The following NCOA7 variants were observed in gnomAD, a reference collection of about 807,000 sequenced individuals.
The protein encoded by NCOA7 is 140 kDa estrogen receptor-associated protein.
Under a neutral mutation model 104.3 loss-of-function variants are expected in NCOA7, and 45 were observed. That is an observed-to-expected ratio of 0.43 (90% CI 0.34 to 0.55). The LOEUF (loss-of-function observed/expected upper bound fraction) is 0.55, where lower values mean the gene tolerates loss of function less well. Ranked by LOEUF, NCOA7 falls within the 20% of genes least tolerant of loss-of-function variation. The probability of loss-of-function intolerance (pLI) is 0.02; values close to 1 mark genes in which losing one functional copy is unlikely to be tolerated. For synonymous variants in NCOA7, 398 were observed against 402.3 expected (o/e 0.99, Z 0.13); for missense variants, 1,041 against 1,119.7 (o/e 0.93, Z 1.00).
Position 125,818,062 on chromosome 6 carries a change from G to A in NCOA7, c.50+2658G>A, listed in dbSNP as rs577918535. Among the ~76,000 whole-genome samples the A allele has an allele frequency of 1.0e-3, 125 of 122,132 alleles. 1 individual carries two copies. The highest frequency in any genetic ancestry group is 3.8e-3 in the African/African-American group (121 of 31,602). 80.1% of individuals were successfully genotyped at this position (122,132 alleles called of 152,430 possible). On this transcript the variant is annotated intron_variant, in intron 2 of 15. Transcript: ENST00000392477. ...CCTCTTCTTCCTCCTCCCCCTTCCC[G>A]CTTCTCCCCCTTCCTTCTTTCTCCC...
chr6:125,908,290 C>T (rs1786212046), intron 10 of NCOA7, among the ~76,000 whole-genome samples: 1 of 152,198 alleles, frequency 6.6e-6, no homozygotes, highest in South Asian at 2.1e-4. Flanking sequence ...ACCTAAGAAA[C>T]ACACACATAT....
chr6:125,858,652 C>G (rs1293963079), intron 3 of NCOA7, among the ~76,000 whole-genome samples: 1 of 151,796 alleles, frequency 6.6e-6, no homozygotes, highest in African/African-American at 2.4e-5. Context: ...AAAGAAATGC[C>G]ATTAAAGCTT....
At chr6:125,891,360 C>G (rs913915072) in intron 10 of NCOA7, among the ~76,000 whole-genome samples, 1 of 152,108 alleles carries the variant, frequency 6.6e-6, no homozygotes, top group Non-Finnish European at 1.5e-5. Flanking sequence ...GGTTATGTGG[C>G]AGTCTAGGAT....
chr6:125,889,985 A>G lies in NCOA7; in HGVS notation c.1927+4A>G. The G allele has an allele frequency of 6.7e-7, 1 of 1,502,994 alleles. No homozygotes were observed. The highest frequency in any genetic ancestry group is 8.8e-7 in the Non-Finnish European group (1 of 1,130,504). 93.1% of individuals were successfully genotyped at this position (1,502,994 alleles called of 1,614,324 possible). A position where few individuals can be genotyped will look rare whatever the true frequency, so the allele number is the denominator to read the frequency against. ...AGAATTCAGGTACCCATTGAAGGTA[A>G]GCTGTTTTTCTTTAATGCCTTTATA... On this transcript the variant is annotated splice_donor_region_variant and intron_variant, in intron 9 of 15. Transcript: ENST00000392477.
chr6:125,919,215 CAG>C, intron 11 of NCOA7: 1 of 1,571,966 alleles, frequency 6.4e-7, no homozygotes, highest in Non-Finnish European at 8.6e-7. Context: ...CTGAGGGAAA[CAG>C]AAACTCAATC....
chr6:125,798,721 A>C (rs1486477208), intron 1 of NCOA7, among the ~76,000 whole-genome samples: 1 of 152,230 alleles, frequency 6.6e-6, no homozygotes, highest in African/African-American at 2.4e-5. Flanking sequence ...CTTTTTTCTC[A>C]CTAATGGGAT....
intron 1 of NCOA7, among the ~76,000 whole-genome samples, chr6:125,783,371 A>G (rs1319252798): frequency 6.6e-6 from 1 of 152,206 alleles, no homozygotes; most frequent in Non-Finnish European, 1.5e-5. Context: ...CTTTTAGCCA[A>G]TGGGTTTAGC....
intron 2 of NCOA7, among the ~76,000 whole-genome samples, chr6:125,830,222 A>G (rs1437438611): frequency 1.3e-5 from 2 of 152,192 alleles, no homozygotes; most frequent in African/African-American, 2.4e-5. Flanking sequence ...TCTTTCATAT[A>G]TTATCATTGC....
intron 3 of NCOA7, among the ~76,000 whole-genome samples, 170 bp from the exon 4 acceptor site, chr6:125,874,719 G>A (rs548486200): frequency 6.6e-6 from 1 of 152,054 alleles, no homozygotes; most frequent in Admixed American, 6.5e-5. Flanking sequence ...CATTTATTCA[G>A]GACGAATAGT....
Position 125,882,408 on chromosome 6 carries a change from AT to A in NCOA7, c.574-12del, listed in dbSNP as rs756290521. 8.7e-6 allele frequency: 14 copies of A among 1,608,532 alleles called. No homozygotes were observed. The highest frequency in any genetic ancestry group is 1.2e-5 in the Non-Finnish European group (14 of 1,178,550). ...AAAAGTGCTTTTATTTGATTTTGAAATTTTTTGCTTTCACAAGGATGCTGAC... is the reference window on the plus strand; with the variant it reads ...AAAAGTGCTTTTATTTGATTTTGAAATTTTTGCTTTCACAAGGATGCTGAC... On this transcript the variant is annotated splice_polypyrimidine_tract_variant and intron_variant, in intron 6 of 15. Transcript: ENST00000392477.
chr6:125,821,618 A>G (rs749523447), intron 2 of NCOA7, among the ~76,000 whole-genome samples: 15 of 152,332 alleles, frequency 9.8e-5, no homozygotes, highest in Non-Finnish European at 1.5e-4. Flanking sequence ...TAATTTGTTT[A>G]TAACTTGACA....
At chr6:125,915,312 T>C in intron 10 of NCOA7, 21 bp from the exon 11 acceptor site, 1 of 1,612,826 alleles carries the variant, frequency 6.2e-7, no homozygotes, top group Non-Finnish European at 8.5e-7. Flanking sequence ...TGTTAACATC[T>C]GTCACAAACG....
intron 10 of NCOA7, among the ~76,000 whole-genome samples, chr6:125,910,383 A>G (rs973793964): frequency 1.3e-5 from 2 of 152,200 alleles, no homozygotes; most frequent in African/African-American, 4.8e-5. Context: ...TCCTTTTCCA[A>G]AAGTTATAGT....
chr6:125,882,674 C>A (rs1198367160), intron 7 of NCOA7, 123 bp downstream of exon 7: 6 of 1,199,554 alleles, frequency 5.0e-6, no homozygotes, highest in Non-Finnish European at 5.7e-6. Flanking sequence ...TTAGGTTTGA[C>A]AAGCATCCAT....
At chr6:125,912,427 G>A (rs1353197886) in intron 10 of NCOA7, among the ~76,000 whole-genome samples, 11 of 152,158 alleles carry the variant, frequency 7.2e-5, no homozygotes, top group South Asian at 4.1e-4. Context: ...ATATTTACTC[G>A]TTTTCCTTCT....
At chr6:125,897,815 C>G (rs6918791) in intron 10 of NCOA7, among the ~76,000 whole-genome samples, 109,514 of 152,046 alleles carry the variant, frequency 0.72, 39,527 homozygotes, top group East Asian at 0.76. Flanking sequence ...AAGTAGCTGG[C>G]ATTACAGGCA....
chr6:125,876,606 A>G, intron 4 of NCOA7, among the ~76,000 whole-genome samples: 1 of 150,942 alleles, frequency 6.6e-6, no homozygotes, highest in African/African-American at 2.5e-5. Context: ...GACAGTAAAA[A>G]AAAAAAAAAA....
intron 2 of NCOA7, among the ~76,000 whole-genome samples, chr6:125,823,113 A>G (rs1176277446): frequency 6.6e-6 from 1 of 152,214 alleles, no homozygotes; most frequent in African/African-American, 2.4e-5. Context: ...AGCACTGCTC[A>G]AGGACACTCT....
At position 125,890,803 on chromosome 6, in the gene NCOA7, CG is replaced by C; in HGVS notation, c.2092del (p.Glu698ArgfsTer35). 1 of 1,605,896 alleles carries C rather than the reference CG, an allele frequency of 6.2e-7. No individual in the cohort carries two copies. Among genetic ancestry groups the C allele is most frequent in the Non-Finnish European group, 8.5e-7 (1 of 1,176,434 alleles). On this transcript the variant is annotated frameshift_variant, in exon 10 of 16. Transcript: ENST00000392477. LOFTEE classifies it high-confidence loss of function. Reference protein sequence around the residue: ...KQPEYWFAVPRERVDHLYTFF... With the variant: ...KQPEYWFAVPXERVDHLYTFF... Reference sequence around the variant, plus strand: ...GCCAGAGTACTGGTTTGCTGTTCCTCGGGAGAGGTGAGTATGGGCTACAATG... The same window carrying C: ...GCCAGAGTACTGGTTTGCTGTTCCTCGGAGAGGTGAGTATGGGCTACAATG...
Sources: allele counts gnomAD v4.1 joint callset (sites outside exome capture counted in the v4.1 genomes callset), GRCh38; gene constraint gnomAD v4.1.1; transcripts MANE v1.5; gene names NCBI Gene and HGNC (gene_info 2026-07-23, HGNC 2026-07-21).